Variants in FLI1 observed in about 807,000 individuals in gnomAD.
The protein encoded by FLI1 is Friend leukemia integration 1 transcription factor.
A neutral mutation model predicts 53.1 loss-of-function variants in FLI1; 13 were observed. The observed-to-expected ratio is 0.24, with a 90% CI of 0.16 to 0.39. FLI1 has a LOEUF of 0.39. Ranked by LOEUF, FLI1 falls within the 10% of genes least tolerant of loss-of-function variation. FLI1 has a pLI of 1.00. For missense variants in FLI1, 424 were observed against 600.5 expected, an observed-to-expected ratio of 0.71 and a Z score of 3.07; for synonymous variants, 244 against 236.7, an observed-to-expected ratio of 1.03 and a Z score of -0.28.
intron 1 of FLI1, among the ~76,000 whole-genome samples, chr11:128,745,642 C>A (rs1422272260): frequency 6.6e-6 from 1 of 152,234 alleles, no homozygotes; most frequent in East Asian, 1.9e-4. Context: ...TGTCCCCATG[C>A]CCTGAGAGGA....
intron 4 of FLI1, among the ~76,000 whole-genome samples, chr11:128,779,340 T>C (rs1488612735): frequency 6.6e-6 from 1 of 152,240 alleles, no homozygotes; most frequent in Non-Finnish European, 1.5e-5. Flanking sequence ...GCAAGCATTC[T>C]TGGTCCTACT....
At chr11:128,756,178 A>G (rs889989305) in intron 1 of FLI1, among the ~76,000 whole-genome samples, 7 of 152,264 alleles carry the variant, frequency 4.6e-5, no homozygotes. Context: ...CCATAACAAC[A>G]TACCAGGGCT....
chr11:128,768,287 A>G lies in FLI1; in HGVS notation c.385+15A>G. 4 of 1,609,222 alleles carry G rather than the reference A, an allele frequency of 2.5e-6. No individual in the cohort carries two copies. The highest frequency in any genetic ancestry group is 3.4e-6 in the Non-Finnish European group (4 of 1,178,810). On this transcript the variant is annotated intron_variant, in intron 3 of 8. Transcript: ENST00000527786. ...CGTCCCCGCAGGTAATTCGAGAACC[A>G]GGCTGCCTGGGCGCCATTCACTTCC...
chr11:128,702,865 G>GAAAAAA (rs10677310), intron 1 of FLI1, among the ~76,000 whole-genome samples: 1 of 134,728 alleles, frequency 7.4e-6, no homozygotes, highest in Non-Finnish European at 1.6e-5. Flanking sequence ...CTGTCTCAAA[G>GAAAAAA]AAAAAAAAAA....
At chr11:128,781,468 C>T (rs1368547237) in intron 4 of FLI1, among the ~76,000 whole-genome samples, 2 of 152,178 alleles carry the variant, frequency 1.3e-5, no homozygotes, top group African/African-American at 4.8e-5. Flanking sequence ...TTGTAGTTAG[C>T]CTATGAAGCC....
intron 1 of FLI1, among the ~76,000 whole-genome samples, chr11:128,719,895 T>A (rs1281272299): frequency 1.3e-5 from 2 of 152,218 alleles, no homozygotes; most frequent in Non-Finnish European, 2.9e-5. Flanking sequence ...ATCCTGCAGG[T>A]GCTACTACTT....
chr11:128,772,332 G>A (rs1941593932), intron 3 of FLI1, among the ~76,000 whole-genome samples: 1 of 152,220 alleles, frequency 6.6e-6, no homozygotes, highest in Admixed American at 6.5e-5. Context: ...CAACTGCACA[G>A]ATGGAATTGC....
At chr11:128,706,543 G>C (rs1230557968) in intron 1 of FLI1, among the ~76,000 whole-genome samples, 1 of 152,138 alleles carries the variant, frequency 6.6e-6, no homozygotes, top group Non-Finnish European at 1.5e-5. Flanking sequence ...AGAGACAACT[G>C]AGGCTTCAAG....
At chr11:128,714,742 C>T (rs934724779) in intron 1 of FLI1, among the ~76,000 whole-genome samples, 3 of 124,724 alleles carry the variant, frequency 2.4e-5, no homozygotes, top group Admixed American at 9.7e-5. Flanking sequence ...CAGAGTCTTG[C>T]TCTGTCACCA....
intron 5 of FLI1, among the ~76,000 whole-genome samples, chr11:128,784,761 A>G (rs1942034840): frequency 6.6e-6 from 1 of 152,192 alleles, no homozygotes; most frequent in Non-Finnish European, 1.5e-5. Flanking sequence ...ACTATCTATT[A>G]GCTATTAGAA....
intron 1 of FLI1, among the ~76,000 whole-genome samples, chr11:128,722,995 T>C (rs367728817): frequency 7.4e-4 from 112 of 152,312 alleles, no homozygotes; most frequent in African/African-American, 2.6e-3. Context: ...AGTGCCAGCA[T>C]GATCGGGTTC....
At chr11:128,717,402 G>A (rs1238481806) in intron 1 of FLI1, among the ~76,000 whole-genome samples, 3 of 152,170 alleles carry the variant, frequency 2.0e-5, no homozygotes, top group African/African-American at 4.8e-5. Context: ...CCTTGAAAAC[G>A]AAATAGTATA....
chr11:128,738,922 C>T (rs200299506), intron 1 of FLI1, among the ~76,000 whole-genome samples: 25 of 152,098 alleles, frequency 1.6e-4, no homozygotes, highest in Non-Finnish European at 3.2e-4. Context: ...GTGTGTAAAC[C>T]GAAACAAAAC....
At chr11:128,784,811 C>T (rs922819402) in intron 5 of FLI1, among the ~76,000 whole-genome samples, 3 of 152,204 alleles carry the variant, frequency 2.0e-5, no homozygotes, top group Non-Finnish European at 4.4e-5. Context: ...TTGAATAAGA[C>T]ACACACAGCC....
chr11:128,810,350 C>A lies in FLI1; in HGVS notation c.830-109C>A. 2 of 1,126,148 alleles carry A rather than the reference C, an allele frequency of 1.8e-6. No homozygotes were observed. The highest frequency in any genetic ancestry group is 2.5e-6 in the Non-Finnish European group (2 of 797,424). 69.8% of individuals were successfully genotyped at this position (1,126,148 alleles called of 1,614,324 possible). ...AAGTCGATCCCAATGTCGAAGGAAA[C>A]AAAAGGTTTCTTTAAAAGGATGAGA... On this transcript the variant is annotated intron_variant, in intron 8 of 8. Transcript: ENST00000527786. This position sits in a 1 kb window ranked among gnomAD's most constrained non-coding sequence, Gnocchi z 6.6.
chr11:128,779,355 G>C lies in FLI1; in HGVS notation c.590-2603G>C, dbSNP rs1290800622. ...GCAAGCATTCTTGGTCCTACTTCTGGGATTTTTTTGTATTCCCTCCGAACA... is the reference window on the plus strand; with the variant it reads ...GCAAGCATTCTTGGTCCTACTTCTGCGATTTTTTTGTATTCCCTCCGAACA... On this transcript the variant is annotated intron_variant, in intron 4 of 8. Coordinates refer to ENST00000527786, the MANE Select transcript of FLI1 (RefSeq NM_002017.5). Among the ~76,000 whole-genome samples the C allele has an allele frequency of 1.3e-5, 2 of 152,116 alleles. 1 individual carries two copies. Among genetic ancestry groups the C allele is most frequent in the South Asian group, 4.2e-4 (2 of 4,816 alleles).
intron 1 of FLI1, among the ~76,000 whole-genome samples, chr11:128,711,741 C>T (rs1405641789): frequency 3.3e-5 from 5 of 152,162 alleles, no homozygotes; most frequent in Non-Finnish European, 5.9e-5. Context: ...AGCTCTAATG[C>T]TTTATGCCAC....
At position 128,810,840 on chromosome 11, in the gene FLI1, A is replaced by G; in HGVS notation, c.1211A>G (p.His404Arg). Residue 404 changes from histidine to arginine, a missense_variant, in exon 9 of 9, where the codon CAT becomes CGT. Around this residue, in one of 5 missense-constraint regions of FLI1, gnomAD observed 87 missense variants for 100.0 expected, o/e 0.87. Transcript: ENST00000527786. The surrounding 1 kb of genome is among the most constrained non-coding windows in gnomAD (Gnocchi z 6.6). Reference protein sequence around the residue: ...HQQKVNFVPPHPSSMPVTSSS... With the variant: ...HQQKVNFVPPRPSSMPVTSSS... ...CAGAAGGTGAACTTTGTCCCTCCCC[A>G]TCCATCCTCCATGCCTGTCACTTCC... 1 of 1,613,818 alleles carries G rather than the reference A, an allele frequency of 6.2e-7. No homozygotes were observed. The highest frequency in any genetic ancestry group is 8.5e-7 in the Non-Finnish European group (1 of 1,179,848).
intron 1 of FLI1, among the ~76,000 whole-genome samples, chr11:128,739,715 A>C (rs1219848663): frequency 6.6e-6 from 1 of 150,824 alleles, no homozygotes; most frequent in Non-Finnish European, 1.5e-5. Context: ...CAAAGTGAAA[A>C]CTCTATTTTA....
Sources: allele counts gnomAD v4.1 joint callset (sites outside exome capture counted in the v4.1 genomes callset), GRCh38; gene constraint gnomAD v4.1.1; regional missense constraint gnomAD v4.1.1; non-coding constraint Gnocchi (gnomAD v3.1); transcripts MANE v1.5; gene names NCBI Gene and HGNC (gene_info 2026-07-23, HGNC 2026-07-21).